Variants in POPDC3 observed in about 807,000 individuals in gnomAD.
POPDC3 encodes popeye domain-containing protein 3.
In POPDC3, 20 loss-of-function variants were observed where a neutral mutation model predicts 28.2. The observed-to-expected ratio is 0.71, with a 90% confidence interval of 0.50 to 1.03. The LOEUF (loss-of-function observed/expected upper bound fraction) is 1.03. Among genes scored for constraint, POPDC3 ranks in the 50% least tolerant of loss-of-function variants. The pLI, the probability that POPDC3 is intolerant of heterozygous loss-of-function variation, is 0.00. For missense variants in POPDC3, 316 were observed against 345.9 expected, an observed-to-expected ratio of 0.91 and a Z score of 0.69; for synonymous variants, 118 against 124.1, an observed-to-expected ratio of 0.95 and a Z score of 0.33.
chr6:105,163,826 A>C (rs1168763346), intron 1 of POPDC3: 1 of 152,160 alleles, frequency 6.6e-6, no homozygotes, highest in Non-Finnish European at 1.5e-5. Context: ...TTATAGTCAT[A>C]TTGTTGTTTT....
intron 1 of POPDC3, among the ~76,000 whole-genome samples, chr6:105,164,255 T>C (rs1261220664): frequency 6.6e-6 from 1 of 152,210 alleles, no homozygotes; most frequent in African/African-American, 2.4e-5. Flanking sequence ...AGAAAGGCCA[T>C]GTAAAACGTT....
chr6:105,168,487 A>G (rs1055867644), intron 1 of POPDC3, among the ~76,000 whole-genome samples: 7 of 152,196 alleles, frequency 4.6e-5, no homozygotes, highest in Admixed American at 3.9e-4. Flanking sequence ...TTCTGTTCTC[A>G]TGTTTCAGCT....
chr6:105,179,285 T>A (rs1222556323), intron 1 of POPDC3: 2 of 982,392 alleles, frequency 2.0e-6, no homozygotes, highest in Non-Finnish European at 2.4e-6. Context: ...CCCCCAACTC[T>A]GTGAGAACAG....
At chr6:105,178,946 T>C (rs1774731482) in intron 1 of POPDC3, 2 of 985,306 alleles carry the variant, frequency 2.0e-6, no homozygotes, top group Non-Finnish European at 2.4e-6. Flanking sequence ...CTACCGGAAT[T>C]AGAGTGAAAA....
rs1194370357 is a variant in POPDC3 at position 105,179,822 on chromosome 6, C to A, written c.-252+11G>T. 1 of 152,202 alleles carries A rather than the reference C, an allele frequency of 6.6e-6. No homozygotes were observed. Among genetic ancestry groups the A allele is most frequent in the Non-Finnish European group, 1.5e-5 (1 of 68,090 alleles). The allele number at this position is 152,202 out of a possible 1,614,324, so 9.4% of individuals were successfully genotyped here. On this transcript the variant is annotated intron_variant, in intron 1 of 3. Coordinates refer to ENST00000254765, the MANE Select transcript of POPDC3 (RefSeq NM_022361.5). ...GCGGCGGACGCAGCGCCCCCGGGCT[C>A]ACCTTCTTACCTTTCCTTCCCAGCC...
rs1266066998 is a variant in POPDC3 at position 105,158,528 on chromosome 6, A to G, written c.818T>C (p.Ile273Thr). ...PNFYQMSTPE[I>T]RRSPLTQHFQ... ...ATGTTGTGTCAGGGGTGATCTGCGT[A>G]TTTCTGGAGTTGACATTTGATAGAA... Residue 273 changes from isoleucine to threonine, a missense_variant, in exon 4 of 4, where the codon ATA becomes ACA. Physicochemically the swap from Ile to Thr is moderately conservative, Grantham distance 89. Coordinates refer to ENST00000254765, the MANE Select transcript of POPDC3 (RefSeq NM_022361.5). 1.9e-6 allele frequency: 3 copies of G among 1,613,916 alleles called. No individual in the cohort carries two copies. In the African/African-American group the frequency reaches 4.0e-5, roughly 22 times the overall value.
chr6:105,162,222 T>G, intron 1 of POPDC3, 62 bp from the exon 2 acceptor site: 1 of 984,912 alleles, frequency 1.0e-6, no homozygotes, highest in Non-Finnish European at 1.2e-6. Flanking sequence ...GTGGGGTATA[T>G]TTAATGATCA....
chr6:105,179,697 A>C (rs1774746665), intron 1 of POPDC3, 136 bp downstream of exon 1: 1 of 152,132 alleles, frequency 6.6e-6, no homozygotes, highest in African/African-American at 2.4e-5. Flanking sequence ...CGGGGCAGCG[A>C]GACGCAAGCG....
intron 3 of POPDC3, among the ~76,000 whole-genome samples, chr6:105,159,229 T>C (rs902014183): frequency 6.6e-6 from 1 of 152,250 alleles, no homozygotes; most frequent in African/African-American, 2.4e-5. Flanking sequence ...TGAAACCTGC[T>C]GAAATGATTA....
intron 3 of POPDC3, among the ~76,000 whole-genome samples, chr6:105,159,241 C>T (rs1178501062): frequency 6.6e-6 from 1 of 152,182 alleles, no homozygotes; most frequent in Non-Finnish European, 1.5e-5. Context: ...AAATGATTAT[C>T]TTTCAAAACT....
rs1198102398 is a variant in POPDC3 at position 105,158,434 on chromosome 6, GTC to G, written c.*34_*35del. ...TTCACTGGGGAATGATGAAGAGAGA[GTC>G]TTTTTTTATACTTATAAATTTCAGA... On this transcript the variant is annotated 3_prime_UTR_variant, in exon 4 of 4. Transcript: ENST00000254765. 1 of 1,521,646 alleles carries G rather than the reference GTC, an allele frequency of 6.6e-7. No individual in the cohort carries two copies. The highest frequency in any genetic ancestry group is 1.3e-5 in the South Asian group (1 of 77,212). 94.3% of individuals were successfully genotyped at this position (1,521,646 alleles called of 1,614,324 possible).
chr6:105,175,832 G>A (rs1774672907), intron 1 of POPDC3, among the ~76,000 whole-genome samples: 1 of 151,744 alleles, frequency 6.6e-6, no homozygotes, highest in African/African-American at 2.4e-5. Context: ...GACAGAGTGA[G>A]ACTCTGTCTC....
At position 105,158,754 on chromosome 6, in the gene POPDC3, A is replaced by G; in HGVS notation, c.595-3T>C. On this transcript the variant is annotated splice_region_variant and splice_polypyrimidine_tract_variant and intron_variant, in intron 3 of 3. Coordinates refer to ENST00000254765, the MANE Select transcript of POPDC3 (RefSeq NM_022361.5). ...TCAGTTTCTGCAGTGAGGGTTACCT[A>G]AAAAACACAAGACCACACATAAACA... 2 of 1,600,370 alleles carry G rather than the reference A, an allele frequency of 1.2e-6. No individual in the cohort carries two copies. The highest frequency in any genetic ancestry group is 2.2e-5 in the South Asian group (2 of 89,424).
chr6:105,159,348 A>AT (rs1228614138), intron 3 of POPDC3, among the ~76,000 whole-genome samples: 2 of 152,174 alleles, frequency 1.3e-5, no homozygotes, highest in African/African-American at 4.8e-5. Context: ...AAAATCATTT[A>AT]TTTTTTAGTA....
At chr6:105,174,298 C>T (rs1478594401) in intron 1 of POPDC3, among the ~76,000 whole-genome samples, 1 of 152,184 alleles carries the variant, frequency 6.6e-6, no homozygotes, top group Non-Finnish European at 1.5e-5. Flanking sequence ...CTTGACCTTC[C>T]AAAGTGCTAG....
In POPDC3 at chr6:105,161,466, C is replaced by G. The variant is rs1256001199; in HGVS notation, c.444G>C (p.Gly148=). The change falls in exon 2 of 4, where the codon GGG becomes GGC. Residue 148 remains glycine (G), a synonymous_variant. Transcript: ENST00000254765. ...AGGAGAGTTTATCAATGGAAGTTTT[C>G]CCCTGCATGGCATAACAGTGTTCCT... ...LEKEHCYAMQ[G]KTSIDKLSLL... 6.2e-7 allele frequency: 1 copy of G among 1,614,024 alleles called. No homozygotes were observed.
intron 1 of POPDC3, chr6:105,179,254 T>C (rs1475144860): frequency 1.0e-6 from 1 of 985,218 alleles, no homozygotes; most frequent in African/African-American, 1.7e-5. Flanking sequence ...GCGCGACCTT[T>C]GATGAGGCAG....
intron 1 of POPDC3, among the ~76,000 whole-genome samples, chr6:105,163,300 G>C (rs1436577728): frequency 1.3e-5 from 2 of 152,086 alleles, no homozygotes; most frequent in Non-Finnish European, 2.9e-5. Flanking sequence ...TACCAACTCT[G>C]TTCCTCTGCA....
At chr6:105,174,469 C>T (rs2114547755) in intron 1 of POPDC3, among the ~76,000 whole-genome samples, 1 of 152,320 alleles carries the variant, frequency 6.6e-6, no homozygotes, top group South Asian at 2.1e-4. Context: ...AATGGTCATT[C>T]AAGTACAGAT....
Sources: allele counts gnomAD v4.1 joint callset (sites outside exome capture counted in the v4.1 genomes callset), GRCh38; gene constraint gnomAD v4.1.1; transcripts MANE v1.5; gene names NCBI Gene and HGNC (gene_info 2026-07-23, HGNC 2026-07-21).